Variants in KLHDC4 observed in about 807,000 individuals in gnomAD.
KLHDC4 encodes kelch domain-containing protein 4.
A neutral mutation model predicts 62.4 loss-of-function variants in KLHDC4; 90 were observed. The ratio of observed to expected loss-of-function variants is 1.44; its 90% CI spans 1.22 to 1.72. The LOEUF (loss-of-function observed/expected upper bound fraction) is 1.72. KLHDC4 is among the 40% of genes most tolerant of loss of function. The pLI, the probability that KLHDC4 is intolerant of heterozygous loss-of-function variation, is 0.00. For missense variants in KLHDC4, 1,025 were observed against 699.7 expected (o/e 1.47, Z -5.25); for synonymous variants, 386 against 284.4 (o/e 1.36, Z -3.59).
At chr16:87,718,806 T>A (rs2037622158) in intron 7 of KLHDC4, among the ~76,000 whole-genome samples, 1 of 150,756 alleles carries the variant, frequency 6.6e-6, no homozygotes, top group Admixed American at 6.6e-5. Flanking sequence ...CCGCCCATCG[T>A]CTGAGATGTG....
intron 5 of KLHDC4, among the ~76,000 whole-genome samples, chr16:87,745,449 T>C (rs2143020131): frequency 6.6e-6 from 1 of 152,392 alleles, no homozygotes; most frequent in South Asian, 2.1e-4. Flanking sequence ...CGCCTGATGC[T>C]GCAGGTACCT....
intron 5 of KLHDC4, among the ~76,000 whole-genome samples, chr16:87,744,727 TA>T (rs930922420): frequency 1.6e-4 from 24 of 152,208 alleles, no homozygotes; most frequent in African/African-American, 5.8e-4. Context: ...TAAAATAGCA[TA>T]AAAAATGATA....
chr16:87,748,110 C>T (rs553481264), intron 5 of KLHDC4, among the ~76,000 whole-genome samples: 8 of 152,326 alleles, frequency 5.3e-5, no homozygotes, highest in South Asian at 2.1e-4. Flanking sequence ...GAGAGACAAA[C>T]ATGTAGCTCT....
exon 1 of KLHDC4, chr16:87,701,879 C>G (rs1419361091): frequency 4.4e-6 from 2 of 456,550 alleles, no homozygotes; most frequent in Non-Finnish European, 8.8e-6. Flanking sequence ...TCTTCGAGCC[C>G]AGGGAGTGGA....
chr16:87,761,990 C>A lies in KLHDC4; in HGVS notation c.150G>T (p.Arg50Ser). Residue 50 changes from arginine (R) to serine (S), a missense_variant, in exon 2 of 12, where the codon AGG becomes AGT. Physicochemically the swap from Arg to Ser is moderately radical, Grantham distance 110. Coordinates refer to ENST00000270583, the MANE Select transcript of KLHDC4 (RefSeq NM_017566.4). The part of the protein sequence containing the change: ...IAHFQTLDAK[R>S]TQTVELPCPP... ...GGCACGGAAGTTCCACAGTCTGAGTCCTCTTGGCATCGAGTGTCTGGAAAT... is the reference window on the plus strand; with the variant it reads ...GGCACGGAAGTTCCACAGTCTGAGTACTCTTGGCATCGAGTGTCTGGAAAT... 1 of 1,613,964 alleles carries A rather than the reference C, an allele frequency of 6.2e-7. No homozygotes were observed.
downstream of KLHDC4, among the ~76,000 whole-genome samples, chr16:87,704,210 C>T (rs1299327036): frequency 1.3e-5 from 2 of 152,262 alleles, no homozygotes; most frequent in Admixed American, 1.3e-4. Context: ...GCCTCGTCAC[C>T]TGAACGACAC....
chr16:87,702,063 C>T (rs1172277197), exon 1 of KLHDC4: 1 of 455,022 alleles, frequency 2.2e-6, no homozygotes, highest in African/African-American at 2.0e-5. Context: ...CCCCAGGCTG[C>T]TGTGAGAACT....
intron 4 of KLHDC4, among the ~76,000 whole-genome samples, chr16:87,751,473 CA>C (rs201244537): frequency 3.1e-5 from 3 of 98,202 alleles, no homozygotes; most frequent in Admixed American, 1.2e-4. Flanking sequence ...GACTTCATCT[CA>C]AAAAAAAAAG....
rs141733244 is a variant in KLHDC4, at chr16:87,711,258, G to C, written c.1021C>G (p.Arg341Gly). The change falls in exon 9 of 12, where the codon CGT (arginine) becomes GGT (glycine). Residue 341 changes from arginine (R) to glycine (G), a missense_variant. Transcript: ENST00000270583. ...ACCTTCAGCTGTCCCTCAAACCAAC[G>C]GTTCCTGGTGGCGTCGTAGAAGTAC... ...DLYFYDATRNRWFEGQLKGPK... is the reference protein window; with the variant it reads ...DLYFYDATRNGWFEGQLKGPK... The C allele has an allele frequency of 2.9e-5, 46 of 1,613,982 alleles. No homozygotes were observed. Among genetic ancestry groups the C allele is most frequent in the Non-Finnish European group, 3.8e-5 (45 of 1,180,038 alleles).
chr16:87,732,902 G>A (rs1186048725), intron 5 of KLHDC4, among the ~76,000 whole-genome samples: 2 of 139,330 alleles, frequency 1.4e-5, no homozygotes, highest in African/African-American at 5.4e-5. Context: ...AGCTTCTATA[G>A]GTGAAAAGGC....
chr16:87,722,210 G>A (rs2038507361), intron 7 of KLHDC4, among the ~76,000 whole-genome samples: 1 of 152,222 alleles, frequency 6.6e-6, no homozygotes, highest in Admixed American at 6.5e-5. Context: ...GACCCAGACT[G>A]ACTCGGAATT....
At chr16:87,746,373 G>C (rs891146794) in intron 5 of KLHDC4, among the ~76,000 whole-genome samples, 1 of 151,314 alleles carries the variant, frequency 6.6e-6, no homozygotes, top group Admixed American at 6.6e-5. Context: ...GAGAGAGAGC[G>C]AGAAAGAGAG....
At chr16:87,721,427 A>AG (rs2038317308) in intron 7 of KLHDC4, among the ~76,000 whole-genome samples, 1 of 151,456 alleles carries the variant, frequency 6.6e-6, no homozygotes, top group Admixed American at 6.6e-5. Flanking sequence ...AAAAAAAAAA[A>AG]AAAAAAAAAA....
intron 5 of KLHDC4, among the ~76,000 whole-genome samples, chr16:87,746,434 C>G (rs933113696): frequency 6.6e-6 from 1 of 152,110 alleles, no homozygotes; most frequent in African/African-American, 2.4e-5. Context: ...CGCACACCCT[C>G]CATTCCCTGA....
At position 87,714,546 on chromosome 16, in the gene KLHDC4, T is replaced by G. The variant is rs199998985; in HGVS notation, c.787A>C (p.Thr263Pro). The G allele has an allele frequency of 2.5e-6, 4 of 1,614,198 alleles. No homozygotes were observed. The East Asian group carries it at 6.7e-5, about 27-fold the overall frequency. The change falls in exon 8 of 12, where the codon ACA becomes CCA. Residue 263 changes from threonine (T) to proline (P), a missense_variant. Physicochemically the swap from Thr to Pro is conservative, Grantham distance 38 (BLOSUM62 -1). Coordinates refer to ENST00000270583, the MANE Select transcript of KLHDC4 (RefSeq NM_017566.4). ...QRVKKDVDKG[T>P]RHSDMFLLKP... is the part of the protein sequence containing the mutation. Reference sequence around the variant, plus strand: ...AGCAGGAACATGTCTGAGTGCCGTGTGCCCTTGTCCACGTCTTTCTTAACT... The same window carrying G: ...AGCAGGAACATGTCTGAGTGCCGTGGGCCCTTGTCCACGTCTTTCTTAACT...
intron 5 of KLHDC4, among the ~76,000 whole-genome samples, chr16:87,746,721 C>G (rs2043094043): frequency 6.6e-6 from 1 of 152,206 alleles, no homozygotes. Context: ...CATAATGACC[C>G]TGTTCCTGCC....
At chr16:87,728,017 C>G (rs1265165397) in intron 6 of KLHDC4, among the ~76,000 whole-genome samples, 3 of 152,138 alleles carry the variant, frequency 2.0e-5, no homozygotes, top group African/African-American at 7.2e-5. Context: ...GAAACCTTGT[C>G]TCTACTAAAA....
chr16:87,723,441 C>T (rs1375336885), intron 7 of KLHDC4, among the ~76,000 whole-genome samples: 1 of 152,248 alleles, frequency 6.6e-6, no homozygotes, highest in Non-Finnish European at 1.5e-5. Context: ...ACAGCTTAGC[C>T]GGTCTGGCTG....
At chr16:87,725,143 G>GA (rs2039116642) in intron 7 of KLHDC4, among the ~76,000 whole-genome samples, 1 of 152,050 alleles carries the variant, frequency 6.6e-6, no homozygotes, top group African/African-American at 2.4e-5. Context: ...ATTACGGTGG[G>GA]AAAATCAGAG....
Sources: allele counts gnomAD v4.1 joint callset (sites outside exome capture counted in the v4.1 genomes callset), GRCh38; gene constraint gnomAD v4.1.1; transcripts MANE v1.5; gene names NCBI Gene and HGNC (gene_info 2026-07-23, HGNC 2026-07-21).